DMD: variants seen among roughly 807,000 people sequenced by gnomAD.
The protein encoded by DMD is mutant dystrophin.
A neutral mutation model predicts 330.1 loss-of-function variants in DMD; 63 were observed. The observed-to-expected ratio is 0.19, with a 90% CI of 0.16 to 0.24. The LOEUF is 0.24. Ranked by LOEUF, DMD falls within the 10% of genes least tolerant of loss-of-function variation. DMD has a pLI of 1.00. For missense variants in DMD, 3,344 were observed against 2,684.1 expected (o/e 1.25, Z -5.43); for synonymous variants, 1,223 against 959.8 (o/e 1.27, Z -5.07).
intron 30 of DMD, among the ~76,000 whole-genome samples, chrX:32,411,040 CAT>C (rs2098139612): frequency 8.9e-6 from 1 of 112,220 alleles, no homozygotes; most frequent in East Asian, 2.8e-4. Flanking sequence ...GTAACTAACA[CAT>C]TTTTATAAAA....
intron 2 of DMD, among the ~76,000 whole-genome samples, chrX:33,009,470 G>C (rs552487517): frequency 4.9e-5 from 4 of 81,639 alleles, no homozygotes; most frequent in Non-Finnish European, 8.9e-5. Context: ...ACACATATGT[G>C]TGTATGTGTA....
intron 1 of DMD, among the ~76,000 whole-genome samples, chrX:33,108,884 G>T (rs28630645): frequency 9.6e-5 from 3 of 31,115 alleles, no homozygotes; most frequent in Non-Finnish European, 1.3e-4. Flanking sequence ...AAAAAAAAAA[G>T]AAGAAGAGAG....
intron 29 of DMD, among the ~76,000 whole-genome samples, chrX:32,434,151 G>A (rs1450007407): frequency 8.9e-6 from 1 of 112,438 alleles, no homozygotes; most frequent in Non-Finnish European, 1.9e-5. Context: ...GCAATTGAAT[G>A]TTACCTTAGT....
intron 1 of DMD, among the ~76,000 whole-genome samples, chrX:33,050,622 T>C (rs1267340143): frequency 1.8e-5 from 2 of 111,390 alleles, no homozygotes; most frequent in Admixed American, 1.9e-4. Context: ...TTTCAACCTC[T>C]AGCCTTCAAG....
rs28715870 is a variant in DMD, at chrX:32,411,823, A to C, written c.4162T>G (p.Phe1388Val). Residue 1388 changes from phenylalanine (F) to valine (V), a missense_variant, in exon 30 of 79, where the codon TTC (phenylalanine) becomes GTC (valine). Physicochemically the swap from Phe to Val is conservative, Grantham distance 50 (BLOSUM62 -1). Coordinates refer to ENST00000357033, the MANE Select transcript of DMD (RefSeq NM_004006.3). The part of the protein sequence containing the change: ...SLHLIQESLT[F>V]IDKQLAAYIA... Reference sequence around the variant, plus strand: ...TAAGCTGCCAACTGCTTGTCAATGAATGTGAGGGACTCCTGGATTAAGTGT... The same window carrying C: ...TAAGCTGCCAACTGCTTGTCAATGACTGTGAGGGACTCCTGGATTAAGTGT... 6,017 of 1,208,952 alleles carry C rather than the reference A, an allele frequency of 5.0e-3. 158 individuals carry two copies. In the African/African-American group the frequency reaches 0.086, roughly 17 times the overall value.
chrX:33,201,001 C>T (rs180697298), intron 1 of DMD, among the ~76,000 whole-genome samples: 1,112 of 93,369 alleles, frequency 0.012, 20 homozygotes, highest in African/African-American at 0.042. Flanking sequence ...GCGAGATCTC[C>T]GCTCACTGCA....
At chrX:32,421,570 C>A in intron 29 of DMD, among the ~76,000 whole-genome samples, 2 of 111,749 alleles carry the variant, frequency 1.8e-5, no homozygotes, top group Middle Eastern at 8.5e-3. Flanking sequence ...TGATGCATTA[C>A]AATCGATTCC....
intron 2 of DMD, among the ~76,000 whole-genome samples, chrX:32,996,829 A>C (rs2147363201): frequency 9.0e-6 from 1 of 110,889 alleles, no homozygotes; most frequent in East Asian, 2.9e-4. Flanking sequence ...AAAAAAAAAA[A>C]CTAGCTTGCA....
Position 31,995,775 on chromosome X carries a change from G to A in DMD, c.6439-27261C>T, listed in dbSNP as rs546195064. Among the ~76,000 whole-genome samples, 11 of 111,923 alleles carry A rather than the reference G, an allele frequency of 9.8e-5. No individual in the cohort carries two copies. The East Asian group carries it at 3.1e-3, about 32-fold the overall frequency. On this transcript the variant is annotated intron_variant, in intron 44 of 78. Coordinates refer to ENST00000357033, the MANE Select transcript of DMD (RefSeq NM_004006.3). ...ATTCCATATTTTCATATTAGCTAAA[G>A]GTTAAAGTCAAACTGATCCAGTACA...
At chrX:32,947,864 C>A in intron 2 of DMD, among the ~76,000 whole-genome samples, 1 of 111,123 alleles carries the variant, frequency 9.0e-6, no homozygotes, top group Non-Finnish European at 1.9e-5. Context: ...AACCCAGCTT[C>A]CAGGAAGATG....
chrX:32,293,398 T>C (rs373343833), intron 42 of DMD, among the ~76,000 whole-genome samples: 1 of 111,064 alleles, frequency 9.0e-6, no homozygotes, highest in Non-Finnish European at 1.9e-5. Context: ...TAAAGAATAA[T>C]AGTCATCAGA....
chrX:32,024,379 G>A (rs937344694), intron 44 of DMD, among the ~76,000 whole-genome samples: 8 of 107,992 alleles, frequency 7.4e-5, no homozygotes, highest in African/African-American at 2.7e-4. Flanking sequence ...CAGGTACTTC[G>A]GAGGCTGAGG....
At position 31,276,623 on chromosome X, in the gene DMD, A is replaced by G. The variant is rs1199506546; in HGVS notation, c.9225-15607T>C. On this transcript the variant is annotated intron_variant, in intron 62 of 78. Coordinates refer to ENST00000357033, the MANE Select transcript of DMD (RefSeq NM_004006.3). ...AGTCCTCAAAGGAATGCATACATAT[A>G]TTCATCAAATGGCATGTCTTAGAAT... is the stretch of plus-strand genomic sequence containing the variant. 6.2e-5 allele frequency among the ~76,000 whole-genome samples: 7 copies of G among 112,058 alleles called. No individual in the cohort carries two copies. In the East Asian group the frequency reaches 2.0e-3, roughly 31 times the overall value.
intron 7 of DMD, among the ~76,000 whole-genome samples, chrX:32,710,959 T>A (rs912943152): frequency 9.0e-6 from 1 of 111,311 alleles, no homozygotes; most frequent in Admixed American, 9.6e-5. Flanking sequence ...ATACACACAT[T>A]TATAAACAAT....
intron 1 of DMD, among the ~76,000 whole-genome samples, chrX:33,109,580 T>TA (rs57732276): frequency 0.46 from 47,663 of 103,903 alleles, 9,218 homozygotes; most frequent in Non-Finnish European, 0.59. Flanking sequence ...AGTGTAGTGC[T>TA]AAAAAAAAAA....
intron 61 of DMD, among the ~76,000 whole-genome samples, chrX:31,328,825 GT>G (rs11336661): frequency 0.18 from 20,166 of 111,544 alleles, 2,268 homozygotes; most frequent in African/African-American, 0.42. Context: ...CTGAATGATG[GT>G]TAATTGTGGA....
chrX:32,123,201 G>GTATATATA (rs2096644759), intron 44 of DMD, among the ~76,000 whole-genome samples: 2 of 19,390 alleles, frequency 1.0e-4, no homozygotes, highest in Non-Finnish European at 1.6e-4. Flanking sequence ...TTGTGAGCAT[G>GTATATATA]CATATATATA....
At chrX:32,703,798 A>G (rs775338616) in intron 7 of DMD, among the ~76,000 whole-genome samples, 3 of 111,654 alleles carry the variant, frequency 2.7e-5, no homozygotes, top group African/African-American at 9.8e-5. Context: ...AGTACTATAA[A>G]GTATTTGAGG....
intron 1 of DMD, among the ~76,000 whole-genome samples, chrX:33,315,598 C>T (rs2053921513): frequency 8.9e-6 from 1 of 112,460 alleles, no homozygotes; most frequent in Admixed American, 9.4e-5. Context: ...GGCACCTGGT[C>T]TTTCCTGAAC....
Sources: gnomAD v4.1 joint callset for allele counts (sites outside exome capture counted in the v4.1 genomes callset) on GRCh38, gnomAD v4.1.1 for gene constraint, MANE v1.5 for transcripts, NCBI Gene and HGNC (gene_info 2026-07-23, HGNC 2026-07-21) for gene names.